Variants in FMR1 observed in about 807,000 individuals in gnomAD.
The protein encoded by FMR1 is FMRP translational regulator 1.
FMR1 carries 13 observed loss-of-function variants against 50.6 expected under a neutral mutation model. That is an observed-to-expected ratio of 0.26 (90% CI 0.17 to 0.41). The LOEUF (loss-of-function observed/expected upper bound fraction) is 0.41, where lower values mean the gene tolerates loss of function less well. Ranked by LOEUF, FMR1 falls within the 10% of genes least tolerant of loss-of-function variation. FMR1 has a pLI of 1.00. For missense variants in FMR1, 316 were observed against 491.3 expected (o/e 0.64, Z 3.37); for synonymous variants, 138 against 164.1 (o/e 0.84, Z 1.22).
At chrX:147,920,074 T>C (rs1171152032) in intron 1 of FMR1, among the ~76,000 whole-genome samples, 1 of 112,331 alleles carries the variant, frequency 8.9e-6, no homozygotes, top group Non-Finnish European at 1.9e-5. Flanking sequence ...CACTATCCAA[T>C]ATGGATATCA....
At position 147,932,613 on chromosome X, in the gene FMR1, TAG is replaced by T. The variant is rs1323093514; in HGVS notation, c.801+19_801+20del. ...ATGGAGAGGTAAATATTTTACTGCATAGTTTTTTTTTCCCCAAACAAGTATTT... is the reference window on the plus strand; with the variant it reads ...ATGGAGAGGTAAATATTTTACTGCATTTTTTTTTTCCCCAAACAAGTATTT... On this transcript the variant is annotated intron_variant, in intron 8 of 16. Transcript: ENST00000370475. 9.2e-6 allele frequency: 11 copies of T among 1,198,695 alleles called. No individual in the cohort carries two copies. Among genetic ancestry groups the T allele is most frequent in the Non-Finnish European group, 1.2e-5 (11 of 883,708 alleles).
At chrX:147,919,392 G>A (rs1467406710) in intron 1 of FMR1, among the ~76,000 whole-genome samples, 1 of 111,892 alleles carries the variant, frequency 8.9e-6, no homozygotes, top group South Asian at 3.8e-4. Flanking sequence ...TGAAGTAATA[G>A]TGAGGCAAAC....
At chrX:147,925,666 C>T (rs2043360900) in intron 3 of FMR1, 33 bp downstream of exon 3, 3 of 891,683 alleles carry the variant, frequency 3.4e-6, no homozygotes, top group Non-Finnish European at 5.0e-6. Context: ...TCATTTAGCA[C>T]TGAAAGAGTG....
chrX:147,923,328 CT>C (rs1331760509), intron 2 of FMR1, among the ~76,000 whole-genome samples: 1 of 112,105 alleles, frequency 8.9e-6, no homozygotes, highest in African/African-American at 3.2e-5. Flanking sequence ...TGTCTCTTCG[CT>C]GTTTCATATA....
chrX:147,912,649 G>C (rs1557174120), intron 1 of FMR1: 1 of 300,397 alleles, frequency 3.3e-6, no homozygotes, highest in Non-Finnish European at 5.8e-6. Context: ...GTGGAGGAGC[G>C]GGGGGCGCTT....
chrX:147,945,176 A>G, intron 15 of FMR1, 125 bp downstream of exon 15: 7 of 1,004,673 alleles, frequency 7.0e-6, no homozygotes, highest in South Asian at 6.3e-5. Context: ...TGCTGATACC[A>G]TAGGAAAGGA....
intron 12 of FMR1, among the ~76,000 whole-genome samples, chrX:147,939,272 A>AAC (rs1557180221): frequency 9.2e-6 from 1 of 108,382 alleles, no homozygotes; most frequent in Non-Finnish European, 1.9e-5. Flanking sequence ...TTTCCCTCTT[A>AAC]ATATATATAT....
chrX:147,934,469 G>A (rs1557179342), intron 9 of FMR1, among the ~76,000 whole-genome samples: 2 of 111,241 alleles, frequency 1.8e-5, no homozygotes, highest in Non-Finnish European at 3.8e-5. Flanking sequence ...AGATATAGTA[G>A]GGGACAATTC....
rs25698 is a variant in FMR1 at position 147,928,297 on chromosome X, A to G, written c.199-25A>G. Reference sequence around the variant, plus strand: ...TTCAAAATTATGTTAATCATGAAATATTCTGTGTTGTAATTTTTGTGTAGG... The same window carrying G: ...TTCAAAATTATGTTAATCATGAAATGTTCTGTGTTGTAATTTTTGTGTAGG... On this transcript the variant is annotated intron_variant, in intron 3 of 16. Transcript: ENST00000370475. The G allele has an allele frequency of 1.2e-4, 143 of 1,152,014 alleles. No homozygotes were observed. In the African/African-American group the frequency reaches 2.3e-3, roughly 19 times the overall value. The allele number at this position is 1,152,014 out of a possible 1,213,427, so 94.9% of individuals were successfully genotyped here. A position where few individuals can be genotyped will look rare whatever the true frequency, so the allele number is the denominator to read the frequency against.
At chrX:147,939,017 G>A (rs782694168) in intron 12 of FMR1, among the ~76,000 whole-genome samples, 130 of 112,186 alleles carry the variant, frequency 1.2e-3, no homozygotes, top group African/African-American at 4.1e-3. Flanking sequence ...TTGCTCCGAA[G>A]TCAATCTAAC....
At chrX:147,917,916 G>A (rs1197198420) in intron 1 of FMR1, among the ~76,000 whole-genome samples, 2 of 111,670 alleles carry the variant, frequency 1.8e-5, no homozygotes, top group Non-Finnish European at 3.8e-5. Flanking sequence ...TAAGTACACT[G>A]ACTCCAGTAA....
chrX:147,940,488 C>A (rs1298980052), intron 12 of FMR1, 88 bp from the exon 13 acceptor site: 2 of 612,147 alleles, frequency 3.3e-6, no homozygotes, highest in African/African-American at 2.2e-5. Context: ...TTCACCAGAT[C>A]CTGTGCTAGG....
At chrX:147,941,869 GC>G (rs1805425) in intron 13 of FMR1, among the ~76,000 whole-genome samples, 1,312 of 112,479 alleles carry the variant, frequency 0.012, 20 homozygotes, top group African/African-American at 0.039. Flanking sequence ...CTGCCCTGTT[GC>G]CATTCTTTCC....
intron 2 of FMR1, among the ~76,000 whole-genome samples, chrX:147,922,882 G>A (rs2043233758): frequency 9.0e-6 from 1 of 111,653 alleles, no homozygotes; most frequent in Admixed American, 9.5e-5. Flanking sequence ...GGATTTTTGT[G>A]TGTGTGGCAA....
chrX:147,929,960 G>A lies in FMR1; in HGVS notation c.432G>A (p.Glu144=). Residue 144 remains glutamate (E), a synonymous_variant, in exon 6 of 17, where the codon GAG becomes GAA. Transcript: ENST00000370475. Reference sequence around the variant, plus strand: ...TTTAAATTTCTAGGTGTGCCAAAGAGGCGGCACATAAGGATTTTAAAAAGG... The same window carrying A: ...TTTAAATTTCTAGGTGTGCCAAAGAAGCGGCACATAAGGATTTTAAAAAGG... ...PEDLRQMCAK[E]AAHKDFKKAV... The A allele has an allele frequency of 8.4e-7, 1 of 1,192,886 alleles. No individual in the cohort carries two copies. Among genetic ancestry groups the A allele is most frequent in the East Asian group, 3.0e-5 (1 of 33,754 alleles).
chrX:147,930,562 TTAAA>T (rs1194939796), intron 7 of FMR1, among the ~76,000 whole-genome samples: 3 of 111,787 alleles, frequency 2.7e-5, no homozygotes, highest in Non-Finnish European at 5.7e-5. Flanking sequence ...TAGAGAATAT[TTAAA>T]TATCTAATCA....
intron 9 of FMR1, chrX:147,933,308 A>G: frequency 2.5e-6 from 1 of 403,293 alleles, no homozygotes; most frequent in East Asian, 4.9e-5. Flanking sequence ...TTCAAAATGA[A>G]TGATATTTGG....
At chrX:147,940,356 A>G in intron 12 of FMR1, 1 of 391,678 alleles carries the variant, frequency 2.6e-6, no homozygotes, top group Non-Finnish European at 4.5e-6. Context: ...TAATAATCTG[A>G]TACGTTTAAA....
At position 147,921,463 on chromosome X, in the gene FMR1, A is replaced by G. The variant is rs181247203; in HGVS notation, c.52-470A>G. ...AAGTTTAGTATATTTGTGTGTGCGT[A>G]TATATATATATATAGATAGATAGAT... is the stretch of plus-strand genomic sequence containing the variant. On this transcript the variant is annotated intron_variant, in intron 1 of 16. Transcript: ENST00000370475. 2.9e-3 allele frequency among the ~76,000 whole-genome samples: 313 copies of G among 108,401 alleles called. 2 individuals are homozygous for G. Among genetic ancestry groups the G allele is most frequent in the Non-Finnish European group, 5.2e-3 (272 of 52,194 alleles). The allele number at this position is 108,401 out of a possible 115,157, so 94.1% of individuals were successfully genotyped here.
Sources: allele counts gnomAD v4.1 joint callset (sites outside exome capture counted in the v4.1 genomes callset), GRCh38; gene constraint gnomAD v4.1.1; transcripts MANE v1.5; gene names NCBI Gene and HGNC (gene_info 2026-07-23, HGNC 2026-07-21).